ZSWIM5: variants seen among roughly 807,000 people sequenced by gnomAD.
The protein encoded by ZSWIM5 is zinc finger SWIM domain-containing protein 5.
A neutral mutation model predicts 119.6 loss-of-function variants in ZSWIM5; 55 were observed. That is an observed-to-expected ratio of 0.46 (90% confidence interval 0.37 to 0.58). The LOEUF is 0.58. ZSWIM5 is among the 20% of genes least tolerant of loss of function. ZSWIM5 has a pLI of 0.00. For synonymous variants in ZSWIM5, 537 were observed against 606.9 expected (o/e 0.88, Z 1.69); for missense variants, 1,193 against 1,512.8 (o/e 0.79, Z 3.51).
At chr1:45,199,638 T>C (rs1371753053) in intron 1 of ZSWIM5, among the ~76,000 whole-genome samples, 2 of 152,110 alleles carry the variant, frequency 1.3e-5, no homozygotes, top group East Asian at 3.8e-4. Context: ...CTCCCCTAAA[T>C]ACCACATTCA....
chr1:45,068,855 C>G (rs1460614396), intron 2 of ZSWIM5, among the ~76,000 whole-genome samples: 1 of 118,306 alleles, frequency 8.5e-6, no homozygotes, highest in Middle Eastern at 8.1e-3. Context: ...GGCTGGAGTG[C>G]AGTGGTGCCA....
chr1:45,059,957 C>G, intron 3 of ZSWIM5, 142 bp downstream of exon 3: 1 of 1,059,926 alleles, frequency 9.4e-7, no homozygotes, highest in Non-Finnish European at 1.3e-6. Context: ...TCTGGTCAGC[C>G]TCTCCCACTA....
intron 1 of ZSWIM5, among the ~76,000 whole-genome samples, chr1:45,094,486 T>C (rs1645387394): frequency 1.3e-5 from 2 of 151,934 alleles, no homozygotes; most frequent in South Asian, 4.2e-4. Flanking sequence ...CTCATGCCTG[T>C]AATCCCAGCA....
At chr1:45,199,916 T>C (rs1249571801) in intron 1 of ZSWIM5, among the ~76,000 whole-genome samples, 1 of 152,186 alleles carries the variant, frequency 6.6e-6, no homozygotes, top group African/African-American at 2.4e-5. Context: ...ACGTAATAAG[T>C]GACTAAACGT....
Position 45,206,466 on chromosome 1 carries a change from G to A in ZSWIM5, c.-116C>T, listed in dbSNP as rs1412332654. On this transcript the variant is annotated 5_prime_UTR_variant, in exon 1 of 14. Transcript: ENST00000359600. ...CCAGCGGTGGCGCCGAGGGGGGCGG[G>A]GCGAGAGAACCCGCGAGCCAGCCGG... The A allele has an allele frequency of 9.1e-6, 11 of 1,205,696 alleles. No individual in the cohort carries two copies. The highest frequency in any genetic ancestry group is 1.1e-5 in the Non-Finnish European group (11 of 971,944). 74.7% of individuals were successfully genotyped at this position (1,205,696 alleles called of 1,614,324 possible).
At chr1:45,024,018 G>A (rs531192689) in intron 11 of ZSWIM5, among the ~76,000 whole-genome samples, 1 of 152,170 alleles carries the variant, frequency 6.6e-6, no homozygotes, top group Non-Finnish European at 1.5e-5. Flanking sequence ...CTTTGGTGAG[G>A]TGTCTCTCCA....
At chr1:45,027,706 G>A (rs1332895207) in intron 11 of ZSWIM5, among the ~76,000 whole-genome samples, 1 of 151,826 alleles carries the variant, frequency 6.6e-6, no homozygotes, top group Non-Finnish European at 1.5e-5. Context: ...TTTGAGAAAA[G>A]GTCTTACTCT....
intron 1 of ZSWIM5, among the ~76,000 whole-genome samples, chr1:45,114,952 G>C (rs1358379001): frequency 6.6e-6 from 1 of 152,154 alleles, no homozygotes; most frequent in Admixed American, 6.5e-5. Context: ...CAGAGAGCAC[G>C]GGGTTGGGGG....
intron 1 of ZSWIM5, among the ~76,000 whole-genome samples, chr1:45,171,509 C>T (rs927047283): frequency 2.0e-5 from 3 of 152,022 alleles, no homozygotes; most frequent in African/African-American, 7.2e-5. Context: ...AGTTTTACAG[C>T]CTATCAAAAT....
intron 2 of ZSWIM5, among the ~76,000 whole-genome samples, chr1:45,083,956 C>G (rs1450441455): frequency 6.6e-6 from 1 of 152,120 alleles, no homozygotes; most frequent in Non-Finnish European, 1.5e-5. Flanking sequence ...TACCACCAGG[C>G]TGGAGTGCAG....
chr1:45,079,554 C>T (rs144062827), intron 2 of ZSWIM5, among the ~76,000 whole-genome samples: 1 of 152,306 alleles, frequency 6.6e-6, no homozygotes, highest in East Asian at 1.9e-4. Context: ...CTAGAAAAGC[C>T]ATCCAAGAGC....
chr1:45,161,872 A>C (rs1401173139), intron 1 of ZSWIM5, among the ~76,000 whole-genome samples: 1 of 152,204 alleles, frequency 6.6e-6, no homozygotes, highest in Non-Finnish European at 1.5e-5. Flanking sequence ...AAATATTTCC[A>C]AACAGTAAAT....
At chr1:45,093,696 C>G (rs1011139786) in intron 1 of ZSWIM5, among the ~76,000 whole-genome samples, 1 of 152,124 alleles carries the variant, frequency 6.6e-6, no homozygotes, top group African/African-American at 2.4e-5. Context: ...CTTATTGTAA[C>G]CTAGCAACAT....
chr1:45,080,046 G>A (rs1010744971), intron 2 of ZSWIM5, among the ~76,000 whole-genome samples: 2 of 152,128 alleles, frequency 1.3e-5, no homozygotes, highest in Non-Finnish European at 2.9e-5. Flanking sequence ...CTCGAGCAAA[G>A]GGACGGGGTC....
intron 2 of ZSWIM5, among the ~76,000 whole-genome samples, chr1:45,074,995 G>A (rs1053481391): frequency 1.3e-5 from 2 of 151,884 alleles, no homozygotes; most frequent in African/African-American, 4.9e-5. Flanking sequence ...GGAGCATAAT[G>A]TTTAATTTCC....
intron 13 of ZSWIM5, 31 bp downstream of exon 13, chr1:45,020,035 C>T: frequency 3.1e-6 from 5 of 1,600,674 alleles, no homozygotes; most frequent in Non-Finnish European, 3.4e-6. Context: ...AACTCCTTTC[C>T]CCTGGGGGTA....
At chr1:45,062,081 C>G (rs955629510) in intron 2 of ZSWIM5, among the ~76,000 whole-genome samples, 1 of 152,106 alleles carries the variant, frequency 6.6e-6, no homozygotes, top group Non-Finnish European at 1.5e-5. Context: ...CAGAGTGAGA[C>G]CCTGTCTCAA....
At chr1:45,179,282 T>G (rs1435635490) in intron 1 of ZSWIM5, among the ~76,000 whole-genome samples, 1 of 152,144 alleles carries the variant, frequency 6.6e-6, no homozygotes, top group East Asian at 1.9e-4. Context: ...TACACAGCCA[T>G]GTACTTCACA....
intron 2 of ZSWIM5, among the ~76,000 whole-genome samples, chr1:45,082,537 C>T (rs1645299872): frequency 6.6e-6 from 1 of 152,198 alleles, no homozygotes; most frequent in African/African-American, 2.4e-5. Flanking sequence ...TCATCCAATA[C>T]ACTTGGATCT....
Sources: gnomAD v4.1 joint callset for allele counts (sites outside exome capture counted in the v4.1 genomes callset) on GRCh38, gnomAD v4.1.1 for gene constraint, MANE v1.5 for transcripts, NCBI Gene and HGNC (gene_info 2026-07-23, HGNC 2026-07-21) for gene names.